The following ATP8A2 variants were observed in gnomAD, a reference collection of about 807,000 sequenced individuals.
The protein encoded by ATP8A2 is ATPase phospholipid transporting 8A2.
In ATP8A2, 100 loss-of-function variants were observed where a neutral mutation model predicts 165.6. The observed-to-expected ratio is 0.60, with a 90% CI of 0.51 to 0.71. The LOEUF is 0.71. Ranked by LOEUF, ATP8A2 falls within the 30% of genes least tolerant of loss-of-function variation. The pLI is 0.00. For missense variants in ATP8A2, 1,227 were observed against 1,479.5 expected (o/e 0.83, Z 2.80); for synonymous variants, 543 against 548.8 (o/e 0.99, Z 0.15).
At chr13:25,445,561 T>TA (rs1029063579) in intron 1 of ATP8A2, among the ~76,000 whole-genome samples, 3 of 152,216 alleles carry the variant, frequency 2.0e-5, no homozygotes, top group African/African-American at 4.8e-5. Context: ...TATTGATTTT[T>TA]AAAAAAAATT....
At chr13:25,419,002 A>G (rs2138092367) in intron 1 of ATP8A2, among the ~76,000 whole-genome samples, 1 of 152,204 alleles carries the variant, frequency 6.6e-6, no homozygotes, top group Middle Eastern at 3.4e-3. Flanking sequence ...AAGGAAGAGA[A>G]GGGAGGGGGA....
intron 2 of ATP8A2, among the ~76,000 whole-genome samples, chr13:25,503,776 A>T (rs2036933446): frequency 6.6e-6 from 1 of 152,224 alleles, no homozygotes; most frequent in African/African-American, 2.4e-5. Context: ...TAAAGCCTGA[A>T]TCCTTAATGG....
chr13:25,455,070 G>A (rs866550197), intron 1 of ATP8A2, among the ~76,000 whole-genome samples: 1 of 152,356 alleles, frequency 6.6e-6, no homozygotes, highest in Admixed American at 6.5e-5. Flanking sequence ...TCTGTAGTTT[G>A]CATGGAGTTC....
intron 1 of ATP8A2, among the ~76,000 whole-genome samples, chr13:25,408,261 C>T (rs1224610608): frequency 6.6e-6 from 1 of 152,036 alleles, no homozygotes; most frequent in Non-Finnish European, 1.5e-5. Context: ...GGCATGGTGG[C>T]TCCCGCCTGT....
chr13:25,730,342 G>C (rs1042468461), intron 25 of ATP8A2, among the ~76,000 whole-genome samples: 4 of 152,152 alleles, frequency 2.6e-5, no homozygotes, highest in African/African-American at 9.7e-5. Context: ...TTTAAGACAG[G>C]TATGTCTTCA....
At chr13:25,758,548 A>G (rs982403497) in intron 25 of ATP8A2, among the ~76,000 whole-genome samples, 1 of 152,216 alleles carries the variant, frequency 6.6e-6, no homozygotes, top group Non-Finnish European at 1.5e-5. Context: ...GTCAACTACT[A>G]TTATAATTAG....
intron 2 of ATP8A2, among the ~76,000 whole-genome samples, chr13:25,480,150 C>T (rs1023489462): frequency 3.4e-5 from 5 of 145,028 alleles, no homozygotes; most frequent in Admixed American, 3.4e-4. Flanking sequence ...CCGGATGGGG[C>T]AGCTGGCCGG....
chr13:25,491,516 C>A (rs888765529), intron 2 of ATP8A2, among the ~76,000 whole-genome samples: 3 of 152,188 alleles, frequency 2.0e-5, no homozygotes, highest in Non-Finnish European at 4.4e-5. Context: ...GTGTGAGTCA[C>A]CATGCCCGAC....
At chr13:25,941,903 C>T (rs1380641148) in intron 33 of ATP8A2, among the ~76,000 whole-genome samples, 3 of 152,196 alleles carry the variant, frequency 2.0e-5, no homozygotes, top group Non-Finnish European at 2.9e-5. Context: ...GAGTCTCCTT[C>T]GTTGTCCTCC....
At chr13:25,522,315 A>G (rs1490240136) in intron 2 of ATP8A2, among the ~76,000 whole-genome samples, 24 of 151,914 alleles carry the variant, frequency 1.6e-4, no homozygotes, top group Non-Finnish European at 1.0e-4. Flanking sequence ...TTGTATGTTG[A>G]TTTTGTATCC....
At chr13:25,547,535 A>G (rs1006047346) in intron 10 of ATP8A2, among the ~76,000 whole-genome samples, 1 of 152,198 alleles carries the variant, frequency 6.6e-6, no homozygotes, top group African/African-American at 2.4e-5. Context: ...AGTTGCAGGA[A>G]GACAAGCTCA....
intron 33 of ATP8A2, among the ~76,000 whole-genome samples, chr13:25,960,606 C>T (rs1012770894): frequency 6.6e-6 from 1 of 152,158 alleles, no homozygotes; most frequent in Non-Finnish European, 1.5e-5. Context: ...AGGCCAGCCT[C>T]CCAATTCCTA....
intron 33 of ATP8A2, among the ~76,000 whole-genome samples, chr13:25,939,997 A>T (rs1264319758): frequency 2.0e-5 from 3 of 151,804 alleles, no homozygotes; most frequent in African/African-American, 7.3e-5. Context: ...GACTCCGTGC[A>T]CTCAGGCTGC....
chr13:25,828,344 A>C (rs1352283489), intron 28 of ATP8A2, 152 bp downstream of exon 28: 3 of 697,592 alleles, frequency 4.3e-6, no homozygotes, highest in Non-Finnish European at 7.5e-6. Flanking sequence ...TGTTGCTGTG[A>C]AACATCCTGC....
intron 27 of ATP8A2, among the ~76,000 whole-genome samples, chr13:25,805,819 A>G (rs1950720989): frequency 6.6e-6 from 1 of 152,164 alleles, no homozygotes; most frequent in South Asian, 2.1e-4. Context: ...TAGTTCTCAC[A>G]TTGATTTGGA....
chr13:25,391,190 A>G (rs2033233226), intron 1 of ATP8A2, among the ~76,000 whole-genome samples: 1 of 152,166 alleles, frequency 6.6e-6, no homozygotes, highest in African/African-American at 2.4e-5. Flanking sequence ...AGTAAATCAG[A>G]GAAGATGACT....
chr13:25,970,577 T>C (rs1425785033), intron 35 of ATP8A2, among the ~76,000 whole-genome samples: 4 of 152,188 alleles, frequency 2.6e-5, no homozygotes, highest in Non-Finnish European at 5.9e-5. Flanking sequence ...GGTGAGGCCT[T>C]GTGCAGGATA....
At chr13:25,453,234 C>A (rs1215749912) in intron 1 of ATP8A2, among the ~76,000 whole-genome samples, 3 of 151,798 alleles carry the variant, frequency 2.0e-5, no homozygotes, top group Non-Finnish European at 2.9e-5. Flanking sequence ...TCAAATGATA[C>A]TCCTGCCTCA....
intron 35 of ATP8A2, among the ~76,000 whole-genome samples, chr13:25,999,396 G>A (rs929880710): frequency 6.6e-6 from 1 of 152,062 alleles, no homozygotes; most frequent in Admixed American, 6.6e-5. Flanking sequence ...CCTCAGAGGC[G>A]CTCACAGGCC....
Sources: allele counts gnomAD v4.1 joint callset (sites outside exome capture counted in the v4.1 genomes callset), GRCh38; gene constraint gnomAD v4.1.1; transcripts MANE v1.5; gene names NCBI Gene and HGNC (gene_info 2026-07-23, HGNC 2026-07-21).